The following CNTNAP5 variants were observed in gnomAD, a reference collection of about 807,000 sequenced individuals.
The protein encoded by CNTNAP5 is contactin associated protein family member 5, also known as contactin-associated protein-like 5.
Under a neutral mutation model 150.2 loss-of-function variants are expected in CNTNAP5, and 72 were observed. The ratio of observed to expected loss-of-function variants is 0.48; its 90% CI spans 0.40 to 0.58. The LOEUF (loss-of-function observed/expected upper bound fraction) is 0.58. Among genes scored for constraint, CNTNAP5 ranks in the 20% least tolerant of loss-of-function variants. CNTNAP5 has a pLI of 0.00. For missense variants in CNTNAP5, 1,636 were observed against 1,626.2 expected (o/e 1.01, Z -0.10); for synonymous variants, 672 against 619.8 (o/e 1.08, Z -1.25).
intron 3 of CNTNAP5, among the ~76,000 whole-genome samples, chr2:124,385,090 C>T (rs947118345): frequency 2.0e-5 from 3 of 152,098 alleles, no homozygotes; most frequent in African/African-American, 7.2e-5. Flanking sequence ...AGGTCCTCTA[C>T]CATACCTCAG....
At position 124,247,821 on chromosome 2, in the gene CNTNAP5, C is replaced by T. The variant is rs1313081494; in HGVS notation, c.381+5428C>T. Among the ~76,000 whole-genome samples the T allele has an allele frequency of 2.0e-5, 3 of 152,144 alleles. No individual in the cohort carries two copies. The South Asian group carries it at 6.2e-4, about 32-fold the overall frequency. ...AGCTAATACATTATTATTTATTAGC[C>T]ATTGTAACAAAGTTTGTTAACACTT... On this transcript the variant is annotated intron_variant, in intron 3 of 23. Transcript: ENST00000682447.
At chr2:124,330,772 C>CA (rs34427267) in intron 3 of CNTNAP5, among the ~76,000 whole-genome samples, 36,097 of 149,358 alleles carry the variant, frequency 0.24, 4,439 homozygotes, top group Middle Eastern at 0.29. Context: ...AGAAATCATG[C>CA]AAAAAAAAAT....
chr2:124,713,328 T>TC (rs1679871810), intron 13 of CNTNAP5, among the ~76,000 whole-genome samples: 1 of 99,526 alleles, frequency 1.0e-5, no homozygotes, highest in Admixed American at 1.3e-4. Context: ...CCTTTCTTTC[T>TC]TTCTTTCTTT....
chr2:124,261,723 T>A (rs1416632263), intron 3 of CNTNAP5, among the ~76,000 whole-genome samples: 3 of 152,126 alleles, frequency 2.0e-5, no homozygotes, highest in Non-Finnish European at 4.4e-5. Flanking sequence ...ATTTCTGCAG[T>A]GACATTTCCT....
At chr2:124,187,545 A>G (rs1192193258) in intron 1 of CNTNAP5, among the ~76,000 whole-genome samples, 1 of 152,212 alleles carries the variant, frequency 6.6e-6, no homozygotes, top group Non-Finnish European at 1.5e-5. Flanking sequence ...ATTTTGAACG[A>G]GTAAAATAAT....
At chr2:124,319,170 C>T (rs574933230) in intron 3 of CNTNAP5, among the ~76,000 whole-genome samples, 1 of 152,324 alleles carries the variant, frequency 6.6e-6, no homozygotes, top group East Asian at 1.9e-4. Context: ...TAAAGGTTCT[C>T]TTGCCCAGTT....
chr2:124,758,750 A>T (rs1023301146), intron 14 of CNTNAP5, among the ~76,000 whole-genome samples: 5 of 152,070 alleles, frequency 3.3e-5, no homozygotes, highest in South Asian at 4.1e-4. Context: ...AAGCAGAAAG[A>T]GTGGGAGAAG....
At chr2:124,691,876 T>C (rs911404377) in intron 13 of CNTNAP5, among the ~76,000 whole-genome samples, 1 of 152,136 alleles carries the variant, frequency 6.6e-6, no homozygotes, top group Admixed American at 6.6e-5. Flanking sequence ...GCTCTTCTTA[T>C]TAAGAGACAA....
chr2:124,771,100 G>T (rs755636806), intron 16 of CNTNAP5, among the ~76,000 whole-genome samples: 1 of 152,144 alleles, frequency 6.6e-6, no homozygotes, highest in Non-Finnish European at 1.5e-5. Flanking sequence ...CTTTGATGGA[G>T]GCTGCTTTCA....
At chr2:124,172,622 C>A (rs1684960370) in intron 1 of CNTNAP5, among the ~76,000 whole-genome samples, 1 of 152,288 alleles carries the variant, frequency 6.6e-6, no homozygotes, top group East Asian at 1.9e-4. Context: ...CCATGTTGCT[C>A]AAGCTGATCT....
intron 8 of CNTNAP5, among the ~76,000 whole-genome samples, chr2:124,511,845 G>T (rs951609670): frequency 6.6e-6 from 1 of 151,862 alleles, no homozygotes; most frequent in African/African-American, 2.4e-5. Context: ...TGGATGAGTT[G>T]CTTGCATGGT....
intron 22 of CNTNAP5, among the ~76,000 whole-genome samples, chr2:124,905,930 A>C (rs2104763314): frequency 6.6e-6 from 1 of 152,246 alleles, no homozygotes; most frequent in African/African-American, 2.4e-5. Context: ...TGTGAATGTG[A>C]GTTAGATAAA....
chr2:124,601,901 A>G (rs1389456014), intron 11 of CNTNAP5, among the ~76,000 whole-genome samples: 1 of 152,206 alleles, frequency 6.6e-6, no homozygotes, highest in Non-Finnish European at 1.5e-5. Flanking sequence ...GAAAAAGGCC[A>G]GTTTTAAAAG....
At chr2:124,391,985 T>C (rs975292447) in intron 3 of CNTNAP5, among the ~76,000 whole-genome samples, 1 of 151,620 alleles carries the variant, frequency 6.6e-6, no homozygotes, top group African/African-American at 2.4e-5. Flanking sequence ...AAGGGAAAGG[T>C]GAGAGCAGGC....
chr2:124,514,445 T>C (rs1694660277), intron 8 of CNTNAP5, among the ~76,000 whole-genome samples: 1 of 152,342 alleles, frequency 6.6e-6, no homozygotes. Context: ...CTTTTTCTTT[T>C]GTATTTTTTA....
At chr2:124,373,348 G>A (rs909248240) in intron 3 of CNTNAP5, among the ~76,000 whole-genome samples, 1 of 152,056 alleles carries the variant, frequency 6.6e-6, no homozygotes, top group Non-Finnish European at 1.5e-5. Flanking sequence ...ATTCAAAATT[G>A]ACCACAATCA....
chr2:124,287,649 T>A (rs1366086246), intron 3 of CNTNAP5, among the ~76,000 whole-genome samples: 1 of 152,194 alleles, frequency 6.6e-6, no homozygotes, highest in Non-Finnish European at 1.5e-5. Context: ...GTCCTTCCAA[T>A]CTACCCCTCT....
intron 7 of CNTNAP5, among the ~76,000 whole-genome samples, chr2:124,475,599 T>C (rs1479361560): frequency 6.6e-6 from 1 of 152,126 alleles, no homozygotes; most frequent in Non-Finnish European, 1.5e-5. Flanking sequence ...ACATTTAGTA[T>C]GCTATGTATT....
At chr2:124,769,925 A>G (rs1044549018) in intron 16 of CNTNAP5, among the ~76,000 whole-genome samples, 1 of 152,128 alleles carries the variant, frequency 6.6e-6, no homozygotes, top group Admixed American at 6.5e-5. Context: ...TCAATTAATG[A>G]AAAATGAGTA....
Sources: gnomAD v4.1 joint callset for allele counts (sites outside exome capture counted in the v4.1 genomes callset) on GRCh38, gnomAD v4.1.1 for gene constraint, MANE v1.5 for transcripts, NCBI Gene and HGNC (gene_info 2026-07-23, HGNC 2026-07-21) for gene names.